The following UBN2 variants were observed in gnomAD, a reference collection of about 807,000 sequenced individuals.
UBN2 encodes the protein ubinuclein 2, also known as ubinuclein-2.
UBN2 carries 35 observed loss-of-function variants against 120.2 expected under a neutral mutation model. That is an observed-to-expected ratio of 0.29 (90% CI 0.22 to 0.39). The LOEUF (loss-of-function observed/expected upper bound fraction) is 0.39, where lower values mean the gene tolerates loss of function less well. Among genes scored for constraint, UBN2 ranks in the 10% least tolerant of loss-of-function variants. The pLI, the probability that UBN2 is intolerant of heterozygous loss-of-function variation, is 1.00. For missense variants in UBN2, 1,693 were observed against 1,663.2 expected (o/e 1.02, Z -0.31); for synonymous variants, 661 against 648.7 (o/e 1.02, Z -0.29).
chr7:139,287,346 A>G (rs1251798210), intron 15 of UBN2, among the ~76,000 whole-genome samples: 1 of 152,148 alleles, frequency 6.6e-6, no homozygotes, highest in East Asian at 1.9e-4. Context: ...ATTTTATAAA[A>G]AATTGGGGAG....
rs982116808 is a variant in UBN2 at position 139,307,147 on chromosome 7, A to G, written c.*9311A>G. On this transcript the variant is annotated 3_prime_UTR_variant, in exon 18 of 18. Coordinates refer to ENST00000473989, the MANE Select transcript of UBN2 (RefSeq NM_173569.4). ...TTAGCCACCTCCACACTTGACATAGATGCCAACATGTTTCAAAACCAATCT... is the reference window on the plus strand; with the variant it reads ...TTAGCCACCTCCACACTTGACATAGGTGCCAACATGTTTCAAAACCAATCT... The G allele has an allele frequency of 2.6e-5, 4 of 152,206 alleles. No individual in the cohort carries two copies. The highest frequency in any genetic ancestry group is 9.7e-5 in the African/African-American group (4 of 41,434). The allele number at this position is 152,206 out of a possible 1,614,324, so 9.4% of individuals were successfully genotyped here. A position where few individuals can be genotyped will look rare whatever the true frequency, so the allele number is the denominator to read the frequency against.
chr7:139,274,300 AT>A (rs1797378249), intron 11 of UBN2, among the ~76,000 whole-genome samples: 2 of 151,930 alleles, frequency 1.3e-5, no homozygotes, highest in Admixed American at 6.6e-5. Context: ...TTTACTTAAC[AT>A]TTTTTTTAAC....
At chr7:139,285,995 C>T (rs1473462464) in intron 15 of UBN2, among the ~76,000 whole-genome samples, 3 of 152,072 alleles carry the variant, frequency 2.0e-5, no homozygotes, top group Admixed American at 6.6e-5. Context: ...GACATGATCT[C>T]GGCTCACTGC....
In UBN2 at chr7:139,286,310, C is replaced by T. The variant is rs140671600; in HGVS notation, c.3669+1736C>T. On this transcript the variant is annotated intron_variant, in intron 15 of 17. Transcript: ENST00000473989. ...AACTCCTAACCTCAAGTGATCTGCC[C>T]GCTTCCGCCTCCCAAAGTCCTGGGA... Among the ~76,000 whole-genome samples, 5 of 152,176 alleles carry T rather than the reference C, an allele frequency of 3.3e-5. No homozygotes were observed. The East Asian group carries it at 7.7e-4, about 24-fold the overall frequency.
chr7:139,291,115 C>T (rs1234041990), intron 15 of UBN2, among the ~76,000 whole-genome samples: 2 of 152,054 alleles, frequency 1.3e-5, no homozygotes, highest in Non-Finnish European at 2.9e-5. Flanking sequence ...AATCCCAGCA[C>T]TTTGGGAGGC....
intron 11 of UBN2, among the ~76,000 whole-genome samples, chr7:139,275,608 A>G (rs1469359736): frequency 2.0e-5 from 3 of 152,034 alleles, no homozygotes; most frequent in African/African-American, 4.8e-5. Flanking sequence ...GTTAAGTAAA[A>G]ATTAATAAAC....
intron 15 of UBN2, among the ~76,000 whole-genome samples, chr7:139,289,037 G>GA (rs983649427): frequency 1.4e-4 from 21 of 151,810 alleles, no homozygotes; most frequent in African/African-American, 5.1e-4. Flanking sequence ...CCCACTACGG[G>GA]AAGAGCAAGG....
At chr7:139,274,201 A>C (rs1014620291) in intron 11 of UBN2, 127 bp downstream of exon 11, 3 of 914,964 alleles carry the variant, frequency 3.3e-6, no homozygotes, top group Non-Finnish European at 4.6e-6. Context: ...CATGCTGTCT[A>C]GTCATCTCAG....
the UBN2 span, among the ~76,000 whole-genome samples, chr7:139,321,582 C>A: frequency 6.6e-6 from 1 of 152,142 alleles, no homozygotes; most frequent in Non-Finnish European, 1.5e-5. Flanking sequence ...ATGGGATAAC[C>A]TCAATAGAGG....
intron 2 of UBN2, among the ~76,000 whole-genome samples, chr7:139,238,201 G>A (rs183034814): frequency 6.6e-6 from 1 of 152,178 alleles, no homozygotes; most frequent in East Asian, 1.9e-4. Context: ...ACAGGAGAAA[G>A]GATATCAGCT....
chr7:139,249,384 G>A (rs1229190021), intron 2 of UBN2, among the ~76,000 whole-genome samples: 1 of 152,144 alleles, frequency 6.6e-6, no homozygotes, highest in East Asian at 1.9e-4. Flanking sequence ...CTTGTAAAGT[G>A]ATGACACCAT....
chr7:139,311,252 G>A (rs957012894), downstream of UBN2, among the ~76,000 whole-genome samples: 12 of 152,224 alleles, frequency 7.9e-5, no homozygotes, highest in Non-Finnish European at 8.8e-5. Context: ...ATACTCTGAC[G>A]TGTCATGGGT....
At position 139,258,584 on chromosome 7, in the gene UBN2, G is replaced by A; in HGVS notation, c.760G>A (p.Glu254Lys). The stretch of plus-strand genomic sequence containing the variant: ...GTTTCGCCAAGCTTCAGATACTGAA[G>A]AAGATGATATTACAGACAACCAAAA... ...LQFRQASDTE[E>K]DDITDNQKHK... The change falls in exon 4 of 18, where the codon GAA becomes AAA. Residue 254 changes from glutamate to lysine, a missense_variant. This residue lies in a region of UBN2 where 663 missense variants were observed against 591.2 expected (regional missense o/e 1.12). Transcript: ENST00000473989. The A allele has an allele frequency of 6.2e-7, 1 of 1,606,648 alleles. No individual in the cohort carries two copies.
chr7:139,294,124 C>A, intron 17 of UBN2, 143 bp downstream of exon 17: 1 of 735,086 alleles, frequency 1.4e-6, no homozygotes, highest in Non-Finnish European at 2.3e-6. Flanking sequence ...TCCTCATTAG[C>A]AACAGATTCC....
In UBN2 at chr7:139,272,542, T is replaced by G. The variant is rs2131009880; in HGVS notation, c.1715+102T>G. The G allele has an allele frequency of 2.8e-6, 2 of 703,220 alleles. No homozygotes were observed. The highest frequency in any genetic ancestry group is 4.1e-6 in the Non-Finnish European group (2 of 487,276). The allele number at this position is 703,220 out of a possible 1,614,324, so 43.6% of individuals were successfully genotyped here. ...TGTATGTATGTATGTATGTATGTAT[T>G]TTGAGACGGAATCTCAGTCTGTTGC... On this transcript the variant is annotated intron_variant, in intron 9 of 17. Transcript: ENST00000473989.
intron 12 of UBN2, 157 bp downstream of exon 12, chr7:139,276,304 A>G: frequency 1.4e-6 from 1 of 719,850 alleles, no homozygotes; most frequent in South Asian, 1.7e-5. Flanking sequence ...CTATTGAAAT[A>G]ATTGTCAGGG....
chr7:139,267,943 T>A (rs907297164), intron 7 of UBN2, among the ~76,000 whole-genome samples: 5 of 152,226 alleles, frequency 3.3e-5, no homozygotes, highest in Non-Finnish European at 7.3e-5. Context: ...CCATTACTTG[T>A]CAGAGCTGTC....
the UBN2 span, among the ~76,000 whole-genome samples, chr7:139,315,054 C>CAA: frequency 6.6e-6 from 1 of 152,008 alleles, no homozygotes; most frequent in Admixed American, 6.6e-5. Flanking sequence ...CGGCTCACTG[C>CAA]AAGCTCCGCC....
chr7:139,325,240 A>T, the UBN2 span, among the ~76,000 whole-genome samples: 1 of 151,296 alleles, frequency 6.6e-6, no homozygotes, highest in Admixed American at 6.6e-5. Flanking sequence ...TACATAATAT[A>T]AAAAAGTTTA....
Sources: allele counts gnomAD v4.1 joint callset (sites outside exome capture counted in the v4.1 genomes callset), GRCh38; gene constraint gnomAD v4.1.1; regional missense constraint gnomAD v4.1.1; transcripts MANE v1.5; gene names NCBI Gene and HGNC (gene_info 2026-07-23, HGNC 2026-07-21).